Variants in PMEPA1 observed in about 807,000 individuals in gnomAD.
PMEPA1 encodes the protein protein TMEPAI.
Under a neutral mutation model 23.0 loss-of-function variants are expected in PMEPA1, and 11 were observed. That is an observed-to-expected ratio of 0.48 (90% CI 0.30 to 0.79). The LOEUF (loss-of-function observed/expected upper bound fraction) is 0.79, where lower values mean the gene tolerates loss of function less well. Among genes scored for constraint, PMEPA1 ranks in the 30% least tolerant of loss-of-function variants. PMEPA1 has a pLI of 0.06. For missense variants in PMEPA1, 377 were observed against 390.9 expected (o/e 0.96, Z 0.30); for synonymous variants, 204 against 166.4 (o/e 1.23, Z -1.74).
At chr20:57,662,122 C>T (rs993895373) in intron 1 of PMEPA1, among the ~76,000 whole-genome samples, 3 of 152,164 alleles carry the variant, frequency 2.0e-5, no homozygotes, top group Non-Finnish European at 2.9e-5. Context: ...GCTGGGGCCA[C>T]GTCTGCACCC....
intron 1 of PMEPA1, among the ~76,000 whole-genome samples, chr20:57,703,216 G>C (rs977289555): frequency 2.0e-5 from 3 of 152,236 alleles, no homozygotes; most frequent in Non-Finnish European, 4.4e-5. Context: ...ACTGAAGACC[G>C]GCCCCTCCCC....
chr20:57,706,658 C>T (rs2072094187), intron 1 of PMEPA1, among the ~76,000 whole-genome samples: 1 of 152,292 alleles, frequency 6.6e-6, no homozygotes, highest in African/African-American at 2.4e-5. Flanking sequence ...CCCCAGCCCC[C>T]AATTTCAAGG....
chr20:57,709,269 C>T (rs1483555984), intron 1 of PMEPA1, among the ~76,000 whole-genome samples: 1 of 147,954 alleles, frequency 6.8e-6, no homozygotes, highest in Non-Finnish European at 1.5e-5. Context: ...CCGTGCCAGG[C>T]TCGCAGCGCC....
intron 1 of PMEPA1, among the ~76,000 whole-genome samples, chr20:57,673,340 T>C (rs1211432710): frequency 2.0e-5 from 3 of 152,138 alleles, no homozygotes; most frequent in East Asian, 1.9e-4. Flanking sequence ...AACTCTCCCA[T>C]GTGGTGGTTA....
intron 2 of PMEPA1, among the ~76,000 whole-genome samples, chr20:57,658,529 T>C (rs927190717): frequency 7.9e-5 from 12 of 152,088 alleles, no homozygotes; most frequent in Non-Finnish European, 1.2e-4. Context: ...GTCAGGTGGA[T>C]GGATGGATGG....
rs538014016 is a variant in PMEPA1 at position 57,658,338 on chromosome 20, C to T, written c.264+1205G>A. Among the ~76,000 whole-genome samples, 24 of 152,332 alleles carry T rather than the reference C, an allele frequency of 1.6e-4. No individual in the cohort carries two copies. In the East Asian group the frequency reaches 1.9e-3, roughly 12 times the overall value. On this transcript the variant is annotated intron_variant, in intron 2 of 3. Transcript: ENST00000341744. ...CCACTTCACCTGGTCCTGCACAGCA[C>T]GGCCTCAAGAGCAGCTCGCCCCAAC...
rs551218254 is a variant in PMEPA1 at position 57,673,785 on chromosome 20, A to G, written c.110-14088T>C. Among the ~76,000 whole-genome samples, 3 of 152,354 alleles carry G rather than the reference A, an allele frequency of 2.0e-5. No homozygotes were observed. The South Asian group carries it at 6.2e-4, about 32-fold the overall frequency. Reference sequence around the variant, plus strand: ...TCAGCCAAGCTACTACCTCCAGAGCAGTACAGAGGCTCACGGTGTGAACCT... The same window carrying G: ...TCAGCCAAGCTACTACCTCCAGAGCGGTACAGAGGCTCACGGTGTGAACCT... On this transcript the variant is annotated intron_variant, in intron 1 of 3. Coordinates refer to ENST00000341744, the MANE Select transcript of PMEPA1 (RefSeq NM_020182.5).
At chr20:57,673,367 C>T (rs1028219811) in intron 1 of PMEPA1, among the ~76,000 whole-genome samples, 1 of 152,110 alleles carries the variant, frequency 6.6e-6, no homozygotes, top group Non-Finnish European at 1.5e-5. Flanking sequence ...TAAATACCAC[C>T]CAAGACATCT....
At position 57,660,763 on chromosome 20, in the gene PMEPA1, C is replaced by T. The variant is rs138848216; in HGVS notation, c.110-1066G>A. Among the ~76,000 whole-genome samples, 4 of 136,832 alleles carry T rather than the reference C, an allele frequency of 2.9e-5. No individual in the cohort carries two copies. In the South Asian group the frequency reaches 9.6e-4, roughly 33 times the overall value. The allele number at this position is 136,832 out of a possible 152,430, so 89.8% of individuals were successfully genotyped here. A position where few individuals can be genotyped will look rare whatever the true frequency, so the allele number is the denominator to read the frequency against. ...ACACACACAACACCCCAACACTCCTCCACACACAACACCCCAACACTCCTA... is the reference window on the plus strand; with the variant it reads ...ACACACACAACACCCCAACACTCCTTCACACACAACACCCCAACACTCCTA... On this transcript the variant is annotated intron_variant, in intron 1 of 3. Coordinates refer to ENST00000341744, the MANE Select transcript of PMEPA1 (RefSeq NM_020182.5).
Position 57,652,110 on chromosome 20 carries a change from T to C in PMEPA1, c.807A>G (p.Leu269=), listed in dbSNP as rs747610778. 2.5e-6 allele frequency: 4 copies of C among 1,579,268 alleles called. No homozygotes were observed. Among genetic ancestry groups the C allele is most frequent in the East Asian group, 4.6e-5 (2 of 43,526 alleles). ...CTTTGCTCCAGATGGCTGCGCTCTC[T>C]AGGGGCGCGATGTGTGTGTGGTGGA... is the stretch of plus-strand genomic sequence containing the variant. ...TRLHHTHIAP[L]ESAAIWSKEK... The change falls in exon 4 of 4, where the codon CTA becomes CTG. Residue 269 remains leucine (L), a synonymous_variant. Coordinates refer to ENST00000341744, the MANE Select transcript of PMEPA1 (RefSeq NM_020182.5). This position sits in a 1 kb window ranked among gnomAD's most constrained non-coding sequence, Gnocchi z 6.1.
intron 1 of PMEPA1, among the ~76,000 whole-genome samples, chr20:57,685,896 G>A (rs1450910316): frequency 1.3e-5 from 2 of 152,124 alleles, no homozygotes; most frequent in Non-Finnish European, 2.9e-5. Context: ...GAGGAATCTG[G>A]TCTCACCTCC....
intron 1 of PMEPA1, among the ~76,000 whole-genome samples, chr20:57,670,604 T>G (rs2071554449): frequency 6.6e-6 from 1 of 152,122 alleles, no homozygotes; most frequent in Admixed American, 6.5e-5. Flanking sequence ...GCTCCCACAC[T>G]AACTCCCACT....
intron 1 of PMEPA1, chr20:57,690,632 G>A (rs1331283369): frequency 8.5e-7 from 1 of 1,177,202 alleles, no homozygotes. Context: ...GAGCAGGCGC[G>A]CACCCCAGCC....
intron 1 of PMEPA1, among the ~76,000 whole-genome samples, chr20:57,669,263 C>G (rs928142410): frequency 3.3e-5 from 5 of 152,068 alleles, no homozygotes; most frequent in South Asian, 2.1e-4. Flanking sequence ...CCTGGTCAGG[C>G]AATTCTTGTG....
At chr20:57,690,429 C>T (rs772790524) in intron 1 of PMEPA1, 13 of 1,303,842 alleles carry the variant, frequency 1.0e-5, no homozygotes, top group African/African-American at 9.1e-5. Flanking sequence ...TTTGACTTTT[C>T]GCCTGTCATT....
intron 1 of PMEPA1, among the ~76,000 whole-genome samples, chr20:57,705,240 C>T (rs1416704156): frequency 6.6e-6 from 1 of 152,240 alleles, no homozygotes; most frequent in African/African-American, 2.4e-5. Context: ...ATGCTAAACT[C>T]ACCTCGACCC....
In PMEPA1 at chr20:57,655,447, C is replaced by T. The variant is rs533441114; in HGVS notation, c.265-2361G>A. The stretch of plus-strand genomic sequence containing the variant: ...CCGTTTCCCCAGTGCCAGGCGCCGG[C>T]GTGCTATGCAGTCAGGGAGTGCTCA... On this transcript the variant is annotated intron_variant, in intron 2 of 3. Transcript: ENST00000341744. This position sits in a 1 kb window ranked among gnomAD's most constrained non-coding sequence, Gnocchi z 4.2. 1.3e-5 allele frequency among the ~76,000 whole-genome samples: 2 copies of T among 152,362 alleles called. No homozygotes were observed. The highest frequency in any genetic ancestry group is 1.9e-4 in the East Asian group (1 of 5,188).
At chr20:57,664,440 G>A (rs2071465158) in intron 1 of PMEPA1, among the ~76,000 whole-genome samples, 1 of 152,260 alleles carries the variant, frequency 6.6e-6, no homozygotes, top group South Asian at 2.1e-4. Context: ...ACCCCTTGGG[G>A]GAGAGAAAGG....
chr20:57,676,393 A>G (rs1478284581), intron 1 of PMEPA1, among the ~76,000 whole-genome samples: 1 of 152,220 alleles, frequency 6.6e-6, no homozygotes, highest in African/African-American at 2.4e-5. Context: ...TCATCATGAC[A>G]TGGCAAAGCA....
Sources: gnomAD v4.1 joint callset for allele counts (sites outside exome capture counted in the v4.1 genomes callset) on GRCh38, gnomAD v4.1.1 for gene constraint, Gnocchi (gnomAD v3.1) non-coding constraint, MANE v1.5 for transcripts, NCBI Gene and HGNC (gene_info 2026-07-23, HGNC 2026-07-21) for gene names.